NAV2: variants seen among roughly 807,000 people sequenced by gnomAD.
The protein encoded by NAV2 is helicase, APC down-regulated 1.
A neutral mutation model predicts 223.2 loss-of-function variants in NAV2; 54 were observed. The observed-to-expected ratio is 0.24, with a 90% CI of 0.19 to 0.30. NAV2 has a LOEUF of 0.30. Among genes scored for constraint, NAV2 ranks in the 10% least tolerant of loss-of-function variants. The pLI, the probability that NAV2 is intolerant of heterozygous loss-of-function variation, is 1.00. For missense variants in NAV2, 2,806 were observed against 3,147.5 expected, an observed-to-expected ratio of 0.89 and a Z score of 2.60; for synonymous variants, 1,279 against 1,239.3, an observed-to-expected ratio of 1.03 and a Z score of -0.67.
intron 1 of NAV2, among the ~76,000 whole-genome samples, chr11:19,796,420 A>G (rs1391714019): frequency 2.0e-5 from 3 of 152,098 alleles, no homozygotes; most frequent in Admixed American, 1.3e-4. Context: ...AAAATCCTCA[A>G]CCTTCTTTAT....
intron 1 of NAV2, among the ~76,000 whole-genome samples, chr11:19,401,678 A>G (rs1849691829): frequency 6.6e-6 from 1 of 152,214 alleles, no homozygotes; most frequent in Non-Finnish European, 1.5e-5. Context: ...TGCAGGGAGC[A>G]CTATGTATAC....
intron 1 of NAV2, among the ~76,000 whole-genome samples, chr11:19,485,033 TAGAGGCCC>T (rs112942047): frequency 0.91 from 137,938 of 151,730 alleles, 64,164 homozygotes; most frequent in East Asian, 1. Context: ...TCCTGTGCAC[TAGAGGCCC>T]AGAGGCCCAG....
intron 6 of NAV2, 109 bp downstream of exon 6, chr11:19,892,703 G>A (rs968169234): frequency 1.7e-6 from 2 of 1,195,964 alleles, no homozygotes; most frequent in African/African-American, 1.5e-5. Context: ...CATCTGTGTT[G>A]AGAATGAGTT....
chr11:19,633,044 T>A (rs2047389336), intron 1 of NAV2, among the ~76,000 whole-genome samples: 2 of 152,180 alleles, frequency 1.3e-5, no homozygotes, highest in South Asian at 4.1e-4. Context: ...TGTCTCTTCC[T>A]CTTCTACATT....
intron 1 of NAV2, among the ~76,000 whole-genome samples, chr11:19,669,797 C>G (rs540938061): frequency 1.3e-5 from 2 of 152,200 alleles, no homozygotes; most frequent in Non-Finnish European, 2.9e-5. Flanking sequence ...GGACAAGTGC[C>G]AATGAGTGAG....
At chr11:19,956,284 G>A (rs1308507261) in intron 10 of NAV2, among the ~76,000 whole-genome samples, 4 of 151,760 alleles carry the variant, frequency 2.6e-5, no homozygotes, top group African/African-American at 4.8e-5. Flanking sequence ...AATTCAATTC[G>A]GACACAATCT....
At chr11:19,608,458 G>A (rs908817798) in intron 1 of NAV2, among the ~76,000 whole-genome samples, 1 of 152,250 alleles carries the variant, frequency 6.6e-6, no homozygotes, top group African/African-American at 2.4e-5. Context: ...TTCAGAGGAA[G>A]GGGCTTGCAG....
chr11:19,607,649 G>GTC (rs1416118629), intron 1 of NAV2, among the ~76,000 whole-genome samples: 1 of 152,184 alleles, frequency 6.6e-6, no homozygotes, highest in Non-Finnish European at 1.5e-5. Flanking sequence ...CAGTCTTGGA[G>GTC]TCTCTAATGA....
intron 11 of NAV2, among the ~76,000 whole-genome samples, chr11:20,033,001 A>T (rs116247922): frequency 0.011 from 1,721 of 152,302 alleles, 33 homozygotes; most frequent in African/African-American, 0.04. Flanking sequence ...AGTATGTGCA[A>T]ATGTTGAATA....
intron 1 of NAV2, among the ~76,000 whole-genome samples, chr11:19,611,297 G>A (rs941076820): frequency 1.3e-5 from 2 of 152,092 alleles, no homozygotes; most frequent in Non-Finnish European, 2.9e-5. Flanking sequence ...TTTTGATGGG[G>A]ACACAGCCAA....
At chr11:19,375,963 G>T (rs1848629275) in intron 1 of NAV2, among the ~76,000 whole-genome samples, 1 of 152,136 alleles carries the variant, frequency 6.6e-6, no homozygotes. Context: ...TAGGCAAAAG[G>T]ATTAAATATC....
intron 1 of NAV2, among the ~76,000 whole-genome samples, chr11:19,465,194 G>A (rs1448536453): frequency 6.6e-6 from 1 of 152,144 alleles, no homozygotes; most frequent in African/African-American, 2.4e-5. Flanking sequence ...GAGGGCACTG[G>A]GAGTGTCATT....
At chr11:19,869,232 G>T (rs572728288) in intron 4 of NAV2, among the ~76,000 whole-genome samples, 2 of 152,146 alleles carry the variant, frequency 1.3e-5, no homozygotes, top group Non-Finnish European at 2.9e-5. Flanking sequence ...GTAGTGAAGG[G>T]GAAGCTGTCC....
chr11:19,561,110 C>T (rs891313376), intron 1 of NAV2, among the ~76,000 whole-genome samples: 3 of 152,188 alleles, frequency 2.0e-5, no homozygotes, highest in African/African-American at 4.8e-5. Context: ...CCATCCCTTC[C>T]GATTCTAAAT....
At chr11:20,024,878 C>A (rs954637024) in intron 11 of NAV2, among the ~76,000 whole-genome samples, 1 of 152,150 alleles carries the variant, frequency 6.6e-6, no homozygotes, top group African/African-American at 2.4e-5. Context: ...CTGGCCAATG[C>A]CCTGTCTGGG....
At chr11:19,404,864 T>A (rs1243916505) in intron 1 of NAV2, among the ~76,000 whole-genome samples, 2 of 151,060 alleles carry the variant, frequency 1.3e-5, no homozygotes, top group East Asian at 3.9e-4. Flanking sequence ...GTAAAACAAC[T>A]TTTTTTTCTT....
chr11:19,449,152 A>T (rs1020393895), intron 1 of NAV2, among the ~76,000 whole-genome samples: 3 of 152,180 alleles, frequency 2.0e-5, no homozygotes, highest in Non-Finnish European at 4.4e-5. Context: ...AGCCATCATG[A>T]ACCTGGCCTC....
intron 24 of NAV2, among the ~76,000 whole-genome samples, chr11:20,078,340 A>G (rs2059888512): frequency 6.6e-6 from 1 of 152,236 alleles, no homozygotes; most frequent in South Asian, 2.1e-4. Flanking sequence ...GGAAGAAAAC[A>G]TGTTTCTATT....
At position 19,461,461 on chromosome 11, in the gene NAV2, G is replaced by A. The variant is rs144479266; in HGVS notation, c.75+110434G>A. ...TATGTGGTTTTAGGCATTAACGTGA[G>A]TTTCATTTCACTTAAAATACTTAAT... On this transcript the variant is annotated intron_variant, in intron 1 of 37. Coordinates refer to the NAV2 transcript ENST00000360655. Among the ~76,000 whole-genome samples the A allele has an allele frequency of 2.4e-3, 366 of 152,294 alleles. 1 individual carries two copies. The highest frequency in any genetic ancestry group is 4.2e-3 in the Non-Finnish European group (284 of 68,022).
Sources: gnomAD v4.1 joint callset for allele counts (sites outside exome capture counted in the v4.1 genomes callset) on GRCh38, gnomAD v4.1.1 for gene constraint, MANE v1.5 for transcripts, NCBI Gene and HGNC (gene_info 2026-07-23, HGNC 2026-07-21) for gene names.